CNNM2: variants seen among roughly 807,000 people sequenced by gnomAD.
The protein encoded by CNNM2 is cyclin and CBS domain divalent metal cation transport mediator 2.
In CNNM2, 12 loss-of-function variants were observed where a neutral mutation model predicts 66.9. The observed-to-expected ratio is 0.18, with a 90% CI of 0.11 to 0.29. The LOEUF (loss-of-function observed/expected upper bound fraction) is 0.29. Among genes scored for constraint, CNNM2 ranks in the 10% least tolerant of loss-of-function variants. CNNM2 has a pLI of 1.00. For missense variants in CNNM2, 705 were observed against 1,167.7 expected (o/e 0.60, Z 5.77); for synonymous variants, 557 against 501.8 (o/e 1.11, Z -1.47).
In CNNM2 at chr10:103,086,645, T is replaced by C. The variant is rs1283481411; in HGVS notation, c.*9465T>C. On this transcript the variant is annotated 3_prime_UTR_variant, in exon 8 of 8. Transcript: ENST00000369878. ...ATCTGACATGCAACTGCATGTGGCT[T>C]TTTAAAGTGGTTTCTTAACAATGCT... The C allele has an allele frequency of 6.6e-6, 1 of 152,234 alleles. No individual in the cohort carries two copies. Among genetic ancestry groups the C allele is most frequent in the Admixed American group, 6.5e-5 (1 of 15,280 alleles). The allele number at this position is 152,234 out of a possible 1,614,324, so 9.4% of individuals were successfully genotyped here.
intron 1 of CNNM2, among the ~76,000 whole-genome samples, chr10:102,984,060 T>G (rs1450847694): frequency 6.6e-6 from 1 of 152,210 alleles, no homozygotes; most frequent in East Asian, 1.9e-4. Flanking sequence ...CTGGCCAGAT[T>G]GTAAATTTTA....
intron 1 of CNNM2, among the ~76,000 whole-genome samples, chr10:102,984,812 A>G (rs1295855292): frequency 1.3e-5 from 2 of 151,872 alleles, no homozygotes; most frequent in African/African-American, 4.8e-5. Context: ...ACGCCTGGCT[A>G]ATTTTTGTAT....
At position 102,918,318 on chromosome 10, in the gene CNNM2, C is replaced by A. The variant is rs1040382888; in HGVS notation, c.-163C>A. The stretch of plus-strand genomic sequence containing the variant: ...TCCCTCCCTCTTTCCCTCCCGCGAG[C>A]CTCGGGGTTCCTCAGCTGGCTGAGG... On this transcript the variant is annotated 5_prime_UTR_variant, in exon 1 of 8. Transcript: ENST00000369878. The surrounding 1 kb of genome is among the most constrained non-coding windows in gnomAD (Gnocchi z 4.1). 5 of 1,233,768 alleles carry A rather than the reference C, an allele frequency of 4.1e-6. No individual in the cohort carries two copies. In the African/African-American group the frequency reaches 4.8e-5, roughly 12 times the overall value. 76.4% of individuals were successfully genotyped at this position (1,233,768 alleles called of 1,614,324 possible).
chr10:102,944,142 G>A (rs1430834356), intron 1 of CNNM2, among the ~76,000 whole-genome samples: 1 of 147,434 alleles, frequency 6.8e-6, no homozygotes, highest in African/African-American at 2.5e-5. Context: ...AGACTGGTGC[G>A]ATCTCGGCTC....
At chr10:102,955,347 C>G (rs1361647130) in intron 1 of CNNM2, among the ~76,000 whole-genome samples, 1 of 151,970 alleles carries the variant, frequency 6.6e-6, no homozygotes, top group Non-Finnish European at 1.5e-5. Context: ...GAAACTGGAT[C>G]CCTTACACCT....
At chr10:102,935,464 A>C (rs548428811) in intron 1 of CNNM2, among the ~76,000 whole-genome samples, 1 of 152,084 alleles carries the variant, frequency 6.6e-6, no homozygotes, top group Non-Finnish European at 1.5e-5. Context: ...CATCTCAAAA[A>C]AAACTTTTGT....
At chr10:102,936,703 A>G (rs1165804754) in intron 1 of CNNM2, among the ~76,000 whole-genome samples, 1 of 152,184 alleles carries the variant, frequency 6.6e-6, no homozygotes, top group Non-Finnish European at 1.5e-5. Context: ...TTAACCTGCA[A>G]CAACTAGAAG....
At chr10:103,015,393 CTG>C (rs1043569171) in intron 1 of CNNM2, among the ~76,000 whole-genome samples, 4 of 152,162 alleles carry the variant, frequency 2.6e-5, no homozygotes, top group African/African-American at 7.2e-5. Context: ...CCTACTCAAA[CTG>C]TGTCTTTACT....
rs915148723 is a variant in CNNM2 at position 102,995,350 on chromosome 10, C to G, written c.1622-54357C>G. On this transcript the variant is annotated intron_variant, in intron 1 of 7. Transcript: ENST00000369878. ...GCCTCAGCCTCCCAAGCAGCTGGGA[C>G]TACAGGCATGTGCCACTATGCCCAG... 2.7e-5 allele frequency among the ~76,000 whole-genome samples: 4 copies of G among 149,772 alleles called. No individual in the cohort carries two copies. The East Asian group carries it at 6.2e-4, about 23-fold the overall frequency.
chr10:103,026,119 T>C (rs1178620750), intron 1 of CNNM2, among the ~76,000 whole-genome samples: 3 of 152,218 alleles, frequency 2.0e-5, no homozygotes, highest in Admixed American at 2.0e-4. Flanking sequence ...TGTGGGCCCC[T>C]CAATCTTGCA....
intron 1 of CNNM2, among the ~76,000 whole-genome samples, chr10:102,999,645 C>T (rs1845963935): frequency 6.6e-6 from 1 of 151,976 alleles, no homozygotes; most frequent in African/African-American, 2.4e-5. Context: ...ATCCAGGCTG[C>T]CCTTCCCCCC....
intron 4 of CNNM2, among the ~76,000 whole-genome samples, chr10:103,066,629 T>A (rs557565760): frequency 6.6e-6 from 1 of 152,352 alleles, no homozygotes; most frequent in East Asian, 1.9e-4. Context: ...GCTGTCCCTT[T>A]CTCTTGGTCA....
intron 1 of CNNM2, among the ~76,000 whole-genome samples, chr10:102,982,138 A>G (rs2063729731): frequency 6.6e-6 from 1 of 152,252 alleles, no homozygotes; most frequent in Admixed American, 6.5e-5. Context: ...AGTATCCTTC[A>G]GACGACTAAA....
rs2065688006 is a variant in CNNM2, at chr10:103,076,222, C to T, written c.2370C>T (p.Tyr790=). 6.3e-7 allele frequency: 1 copy of T among 1,580,966 alleles called. No individual in the cohort carries two copies. The highest frequency in any genetic ancestry group is 1.2e-5 in the South Asian group (1 of 86,444). ...TCAATTCTTCGCTCCTCCAAGTCTA[C>T]ATCCCCGATTACTCGGTGCGAGCCC... ...NQLNSSLLQV[Y]IPDYSVRALS... The change falls in exon 7 of 8, where the codon TAC becomes TAT. Residue 790 remains tyrosine, a synonymous_variant. Coordinates refer to ENST00000369878, the MANE Select transcript of CNNM2 (RefSeq NM_017649.5).
chr10:103,073,079 G>A (rs572471917), intron 6 of CNNM2, among the ~76,000 whole-genome samples: 9 of 152,370 alleles, frequency 5.9e-5, no homozygotes, highest in Admixed American at 1.3e-4. Flanking sequence ...GGGTTGCAGC[G>A]CCTCTGCTCG....
rs1025297296 is a variant in CNNM2, at chr10:103,075,746, T to C, written c.2234-340T>C. On this transcript the variant is annotated intron_variant, in intron 6 of 7. Transcript: ENST00000369878. ...CCTTTGATATCAAGCAGCTTCTGCA[T>C]GTTGGGCCTTGGCCCAACCTCGCCT... Among the ~76,000 whole-genome samples the C allele has an allele frequency of 9.9e-5, 15 of 152,258 alleles. 1 individual carries two copies. Among genetic ancestry groups the C allele is most frequent in the African/African-American group, 2.4e-4 (10 of 41,474 alleles).
intron 1 of CNNM2, among the ~76,000 whole-genome samples, chr10:102,937,137 T>G (rs549432414): frequency 6.6e-6 from 1 of 152,328 alleles, no homozygotes; most frequent in Non-Finnish European, 1.5e-5. Flanking sequence ...GGCTTTTGGG[T>G]TACATTTGTT....
chr10:102,946,829 G>A (rs1286484701), intron 1 of CNNM2, among the ~76,000 whole-genome samples: 3 of 152,130 alleles, frequency 2.0e-5, no homozygotes, highest in East Asian at 3.8e-4. Flanking sequence ...TTTTCCAGAT[G>A]TTTACTTTTT....
At chr10:103,052,658 C>T (rs369675166) in intron 2 of CNNM2, among the ~76,000 whole-genome samples, 2 of 152,120 alleles carry the variant, frequency 1.3e-5, no homozygotes, top group East Asian at 1.9e-4. Flanking sequence ...GGATTACAGG[C>T]ACCCGCCATC....
Sources: allele counts gnomAD v4.1 joint callset (sites outside exome capture counted in the v4.1 genomes callset), GRCh38; gene constraint gnomAD v4.1.1; non-coding constraint Gnocchi (gnomAD v3.1); transcripts MANE v1.5; gene names NCBI Gene and HGNC (gene_info 2026-07-23, HGNC 2026-07-21).